Variants in ANKAR observed in about 807,000 individuals in gnomAD.
The protein encoded by ANKAR is ankyrin and armadillo repeat-containing protein.
In ANKAR, 136 loss-of-function variants were observed where a neutral mutation model predicts 146.2. That is an observed-to-expected ratio of 0.93 (90% CI 0.81 to 1.07). ANKAR has a LOEUF of 1.07. Among genes scored for constraint, ANKAR ranks in the 50% least tolerant of loss-of-function variants. The probability of loss-of-function intolerance (pLI) is 0.00; values close to 1 mark genes in which losing one functional copy is unlikely to be tolerated. For missense variants in ANKAR, 1,567 were observed against 1,679.9 expected, an observed-to-expected ratio of 0.93 and a Z score of 1.18; for synonymous variants, 500 against 575.8, an observed-to-expected ratio of 0.87 and a Z score of 1.88.
intron 21 of ANKAR, among the ~76,000 whole-genome samples, chr2:189,744,206 A>T (rs2043741012): frequency 6.6e-6 from 1 of 152,200 alleles, no homozygotes; most frequent in African/African-American, 2.4e-5. Context: ...CATCAATTTT[A>T]AGTACAGAGA....
At chr2:189,745,106 G>A (rs1487572889) in intron 22 of ANKAR, among the ~76,000 whole-genome samples, 3 of 151,584 alleles carry the variant, frequency 2.0e-5, no homozygotes, top group Non-Finnish European at 4.4e-5. Context: ...CAGGAGAATC[G>A]CTTGAACCTG....
Position 189,676,740 on chromosome 2 carries a change from A to G in ANKAR, c.250A>G (p.Ile84Val), listed in dbSNP as rs529490199. The change falls in exon 2 of 23, where the codon ATC (isoleucine) becomes GTC (valine). Residue 84 changes from isoleucine (I) to valine (V), a missense_variant. Physicochemically the swap from Ile to Val is conservative, Grantham distance 29. Coordinates refer to ENST00000684021, the MANE Select transcript of ANKAR (RefSeq NM_001378068.1). ...QMNNVGFSTAILLTPVDPTAL... is the reference protein window; with the variant it reads ...QMNNVGFSTAVLLTPVDPTAL... ...GAATAACGTAGGCTTCTCCACTGCAATCCTACTGACTCCCGTGGACCCTAC... is the reference window on the plus strand; with the variant it reads ...GAATAACGTAGGCTTCTCCACTGCAGTCCTACTGACTCCCGTGGACCCTAC... The G allele has an allele frequency of 5.4e-5, 87 of 1,614,212 alleles. No homozygotes were observed. Among genetic ancestry groups the G allele is most frequent in the African/African-American group, 1.3e-5 (1 of 75,056 alleles).
chr2:189,761,708 C>A, downstream of ANKAR: 1 of 1,435,126 alleles, frequency 7.0e-7, no homozygotes, highest in Non-Finnish European at 9.1e-7. Context: ...CTGACATTAG[C>A]CAGCTTATTT....
At chr2:189,755,484 A>G (rs536822486) in intron 18 of ANKAR, 47 of 1,603,068 alleles carry the variant, frequency 2.9e-5, no homozygotes, top group Middle Eastern at 3.3e-4. Context: ...CCACTGGCAG[A>G]AAGAGCTTCT....
intron 12 of ANKAR, among the ~76,000 whole-genome samples, chr2:189,722,838 T>A (rs1328922090): frequency 6.7e-6 from 1 of 149,318 alleles, no homozygotes; most frequent in Admixed American, 6.7e-5. Context: ...GCCGAGATCA[T>A]GCCACTGCAC....
intron 8 of ANKAR, among the ~76,000 whole-genome samples, chr2:189,706,105 G>T (rs776398944): frequency 4.2e-4 from 63 of 151,782 alleles, no homozygotes; most frequent in Non-Finnish European, 4.7e-4. Context: ...GCCATGAGAA[G>T]AAAGAAGAGG....
intron 5 of ANKAR, 60 bp downstream of exon 5, chr2:189,693,237 C>A: frequency 2.8e-6 from 3 of 1,076,130 alleles, no homozygotes; most frequent in Non-Finnish European, 4.1e-6. Flanking sequence ...TAGTAGAGAA[C>A]AAAGAAAATG....
chr2:189,697,168 A>G (rs2037340297), intron 7 of ANKAR, among the ~76,000 whole-genome samples: 1 of 151,838 alleles, frequency 6.6e-6, no homozygotes. Context: ...AGGCTGGAGG[A>G]TCACTTTAGA....
intron 2 of ANKAR, among the ~76,000 whole-genome samples, chr2:189,687,753 A>T (rs2035824897): frequency 6.6e-6 from 1 of 152,178 alleles, no homozygotes; most frequent in Non-Finnish European, 1.5e-5. Context: ...TGACATGTGT[A>T]TGTCTCCTTT....
chr2:189,705,341 C>T, intron 8 of ANKAR, 117 bp downstream of exon 8: 2 of 1,021,172 alleles, frequency 2.0e-6, no homozygotes, highest in Non-Finnish European at 2.9e-6. Context: ...TTGCCACACA[C>T]ACTGCCACTA....
chr2:189,736,026 G>A (rs12992061), intron 17 of ANKAR, among the ~76,000 whole-genome samples: 88,591 of 151,964 alleles, frequency 0.58, 29,789 homozygotes, highest in South Asian at 0.76. Flanking sequence ...GAAGTAAAGA[G>A]TTTAAGACAG....
At chr2:189,714,955 A>G (rs2040224356) in intron 10 of ANKAR, among the ~76,000 whole-genome samples, 1 of 143,602 alleles carries the variant, frequency 7.0e-6, no homozygotes, top group South Asian at 2.2e-4. Context: ...CACAAAAAAA[A>G]AAAAAAAAAA....
At chr2:189,750,898 C>T (rs2045068740), downstream of ANKAR, among the ~76,000 whole-genome samples, 1 of 151,906 alleles carries the variant, frequency 6.6e-6, no homozygotes, top group African/African-American at 2.4e-5. Flanking sequence ...TTGCTGTTCT[C>T]AAATACTGTA....
intron 2 of ANKAR, among the ~76,000 whole-genome samples, chr2:189,688,952 G>A (rs1397791454): frequency 4.6e-5 from 7 of 152,068 alleles, no homozygotes; most frequent in African/African-American, 1.7e-4. Context: ...GTTAGGCGTA[G>A]GGGACAGGAA....
intron 17 of ANKAR, among the ~76,000 whole-genome samples, chr2:189,735,924 CTT>C (rs920577241): frequency 2.0e-5 from 3 of 152,148 alleles, no homozygotes; most frequent in African/African-American, 7.2e-5. Flanking sequence ...AACAGGCACT[CTT>C]TTCCCATTTA....
intron 22 of ANKAR, among the ~76,000 whole-genome samples, chr2:189,745,027 C>CTACTACTACTAATAATACTAATAA (rs376824673): frequency 1.7e-4 from 22 of 131,118 alleles, no homozygotes; most frequent in Non-Finnish European, 4.8e-5. Context: ...ACTACTACTA[C>CTACTACTACTAATAATACTAATAA]TAATAATACA....
At chr2:189,749,017 C>T (rs1216553221), downstream of ANKAR, among the ~76,000 whole-genome samples, 1 of 151,864 alleles carries the variant, frequency 6.6e-6, no homozygotes, top group Non-Finnish European at 1.5e-5. Flanking sequence ...GAGGCCAAGG[C>T]GGGTGGATCA....
rs374557754 is a variant in ANKAR at position 189,712,340 on chromosome 2, C to T, written c.2224+1187C>T. ...TGTAGCCTAACTGGGAGACACCTCC[C>T]AGTAGGGGCCGACTGACACCTCATA... On this transcript the variant is annotated intron_variant, in intron 10 of 22. Transcript: ENST00000684021. 1.2e-4 allele frequency among the ~76,000 whole-genome samples: 19 copies of T among 152,310 alleles called. No homozygotes were observed. The East Asian group carries it at 1.4e-3, about 11-fold the overall frequency.
chr2:189,731,468 G>A (rs1363991731), intron 16 of ANKAR, among the ~76,000 whole-genome samples: 1 of 150,420 alleles, frequency 6.6e-6, no homozygotes, highest in African/African-American at 2.4e-5. Context: ...CCACCTCCTG[G>A]GTTCAAGTGA....
Sources: allele counts gnomAD v4.1 joint callset (sites outside exome capture counted in the v4.1 genomes callset), GRCh38; gene constraint gnomAD v4.1.1; transcripts MANE v1.5; gene names NCBI Gene and HGNC (gene_info 2026-07-23, HGNC 2026-07-21).